BBS9: variants seen among roughly 807,000 people sequenced by gnomAD.
BBS9 encodes the protein protein PTHB1.
A neutral mutation model predicts 117.7 loss-of-function variants in BBS9; 89 were observed. The observed-to-expected ratio is 0.76, with a 90% CI of 0.64 to 0.90. The LOEUF (loss-of-function observed/expected upper bound fraction) is 0.90. Ranked by LOEUF, BBS9 falls within the 40% of genes least tolerant of loss-of-function variation. The probability of loss-of-function intolerance (pLI) is 0.00; values close to 1 mark genes in which losing one functional copy is unlikely to be tolerated. For synonymous variants in BBS9, 379 were observed against 370.9 expected, an observed-to-expected ratio of 1.02 and a Z score of -0.25; for missense variants, 982 against 1,042.2, an observed-to-expected ratio of 0.94 and a Z score of 0.80.
At chr7:33,390,236 GAC>G in intron 19 of BBS9, 1 of 985,174 alleles carries the variant, frequency 1.0e-6, no homozygotes, top group Non-Finnish European at 1.2e-6. Context: ...TCTTTTTGTA[GAC>G]ACAATGGTGG....
Position 33,273,974 on chromosome 7 carries a change from AC to A in BBS9, c.1016+19del. 1 of 1,613,148 alleles carries A rather than the reference AC, an allele frequency of 6.2e-7. No homozygotes were observed. The highest frequency in any genetic ancestry group is 2.2e-5 in the East Asian group (1 of 44,772). On this transcript the variant is annotated intron_variant, in intron 9 of 22. Transcript: ENST00000242067. The stretch of plus-strand genomic sequence containing the variant: ...TGTTTGCAGTAAGTGATTTAATTTA[AC>A]ACAGTTTTTAAAGAGGATGTTAGTC...
At chr7:33,216,943 A>T (rs1341307575) in intron 5 of BBS9, among the ~76,000 whole-genome samples, 4 of 152,154 alleles carry the variant, frequency 2.6e-5, no homozygotes, top group African/African-American at 9.7e-5. Flanking sequence ...AAATACAAAA[A>T]AAATGAGCCG....
intron 9 of BBS9, 84 bp downstream of exon 9, chr7:33,274,040 A>C: frequency 6.8e-7 from 1 of 1,468,624 alleles, no homozygotes; most frequent in Non-Finnish European, 9.5e-7. Flanking sequence ...ATGACAAGTG[A>C]TTTTATTAAA....
intron 19 of BBS9, among the ~76,000 whole-genome samples, chr7:33,479,842 AT>A (rs1215857266): frequency 6.6e-6 from 1 of 151,910 alleles, no homozygotes; most frequent in Non-Finnish European, 1.5e-5. Context: ...GTTTTTTTAT[AT>A]ATTTGTTGGC....
intron 12 of BBS9, among the ~76,000 whole-genome samples, 180 bp from the exon 13 acceptor site, chr7:33,348,886 GCA>G (rs1454638097): frequency 1.3e-5 from 2 of 152,052 alleles, no homozygotes; most frequent in South Asian, 4.1e-4. Flanking sequence ...TAGCTTTTGT[GCA>G]CAGTTTCTAC....
rs141299706 is a variant in BBS9 at position 33,597,027 on chromosome 7, C to T, written c.2522-7838C>T. Among the ~76,000 whole-genome samples, 595 of 149,350 alleles carry T rather than the reference C, an allele frequency of 4.0e-3. 2 individuals carry two copies. The highest frequency in any genetic ancestry group is 0.014 in the African/African-American group (569 of 40,856). On this transcript the variant is annotated intron_variant, in intron 21 of 22. Coordinates refer to ENST00000242067, the MANE Select transcript of BBS9 (RefSeq NM_198428.3). ...AGAAAATTTATACATGTCTATGTAC[C>T]TATGTGCATATATATGAATCATCTC...
At chr7:33,213,189 A>T (rs1034011471) in intron 5 of BBS9, among the ~76,000 whole-genome samples, 1 of 152,108 alleles carries the variant, frequency 6.6e-6, no homozygotes, top group Admixed American at 6.5e-5. Context: ...TGGCACTCAA[A>T]CCACAAGACA....
chr7:33,540,037 T>C (rs1308072905), intron 21 of BBS9, among the ~76,000 whole-genome samples: 1 of 152,216 alleles, frequency 6.6e-6, no homozygotes, highest in Non-Finnish European at 1.5e-5. Context: ...TGCTTTTCTA[T>C]GATTATAGCA....
intron 9 of BBS9, among the ~76,000 whole-genome samples, chr7:33,319,343 C>T (rs1811208730): frequency 6.6e-6 from 1 of 152,094 alleles, no homozygotes. Context: ...GCAAATTGTG[C>T]TGCTATAAAC....
chr7:33,265,941 T>C (rs1257772836), intron 7 of BBS9, among the ~76,000 whole-genome samples: 1 of 152,106 alleles, frequency 6.6e-6, no homozygotes, highest in African/African-American at 2.4e-5. Context: ...AATGTCTGGA[T>C]GAACTTACTG....
chr7:33,598,232 A>G (rs62449377), intron 21 of BBS9, among the ~76,000 whole-genome samples: 8 of 73,686 alleles, frequency 1.1e-4, no homozygotes, highest in Non-Finnish European at 1.6e-4. Flanking sequence ...AGTTTATGGG[A>G]AAAAAAAAAA....
chr7:33,539,550 A>G (rs1310177203), intron 21 of BBS9, among the ~76,000 whole-genome samples: 3 of 152,236 alleles, frequency 2.0e-5, no homozygotes, highest in African/African-American at 7.2e-5. Context: ...AGTGAATGAC[A>G]ATAGTGCATA....
chr7:33,182,815 T>C (rs1798274103), intron 5 of BBS9, among the ~76,000 whole-genome samples: 1 of 152,196 alleles, frequency 6.6e-6, no homozygotes, highest in Admixed American at 6.5e-5. Flanking sequence ...ATTCAGTTTC[T>C]AGCCTTAATA....
intron 19 of BBS9, among the ~76,000 whole-genome samples, chr7:33,490,577 G>C (rs1843754644): frequency 6.6e-6 from 1 of 152,110 alleles, no homozygotes; most frequent in Non-Finnish European, 1.5e-5. Context: ...TCTCACAAAT[G>C]TTTATTAACC....
At chr7:33,385,214 T>C (rs1825795595) in intron 18 of BBS9, among the ~76,000 whole-genome samples, 1 of 152,202 alleles carries the variant, frequency 6.6e-6, no homozygotes, top group Non-Finnish European at 1.5e-5. Flanking sequence ...AAGTAACTCC[T>C]TGGAGCTTCT....
chr7:33,383,798 C>T lies in BBS9; in HGVS notation c.1922C>T (p.Pro641Leu), dbSNP rs775954730. ...DFACSFSGSI[P>L]LQEYFELIDH... ...GCATGTTCTTTTTCGGGATCTATAC[C>T]CCTTCAAGAATATTTTGAGTTGATT... The change falls in exon 18 of 23, where the codon CCC becomes CTC. Residue 641 changes from proline to leucine, a missense_variant. Pro to Leu is a moderately conservative substitution (Grantham distance 98). Transcript: ENST00000242067. 6.2e-7 allele frequency: 1 copy of T among 1,612,280 alleles called. No homozygotes were observed. Among genetic ancestry groups the T allele is most frequent in the Non-Finnish European group, 8.5e-7 (1 of 1,179,828 alleles).
chr7:33,502,069 C>G (rs778888414), intron 19 of BBS9, among the ~76,000 whole-genome samples: 1 of 152,104 alleles, frequency 6.6e-6, no homozygotes, highest in African/African-American at 2.4e-5. Flanking sequence ...GCCACCATGC[C>G]CAGCTACTTT....
At chr7:33,359,447 T>G (rs991090181) in intron 16 of BBS9, among the ~76,000 whole-genome samples, 1 of 152,034 alleles carries the variant, frequency 6.6e-6, no homozygotes, top group African/African-American at 2.4e-5. Flanking sequence ...GATTTTGGGC[T>G]CAATTGTTTT....
At chr7:33,451,524 T>C (rs1203083370) in intron 19 of BBS9, among the ~76,000 whole-genome samples, 2 of 152,224 alleles carry the variant, frequency 1.3e-5, no homozygotes, top group Non-Finnish European at 2.9e-5. Flanking sequence ...GGTTTATTTC[T>C]GGGCTCTCTG....
Sources: gnomAD v4.1 joint callset for allele counts (sites outside exome capture counted in the v4.1 genomes callset) on GRCh38, gnomAD v4.1.1 for gene constraint, MANE v1.5 for transcripts, NCBI Gene and HGNC (gene_info 2026-07-23, HGNC 2026-07-21) for gene names.